C12orf54: variants seen among roughly 807,000 people sequenced by gnomAD.
The protein encoded by C12orf54 is uncharacterized protein C12orf54.
Under a neutral mutation model 26.4 loss-of-function variants are expected in C12orf54, and 24 were observed. The observed-to-expected ratio is 0.91, with a 90% confidence interval of 0.66 to 1.28. The LOEUF is 1.28. Ranked by LOEUF, C12orf54 falls within the 50% of genes most tolerant of loss-of-function variation. The pLI, the probability that C12orf54 is intolerant of heterozygous loss-of-function variation, is 0.00. For missense variants in C12orf54, 154 were observed against 150.9 expected (o/e 1.02, Z -0.11); for synonymous variants, 54 against 47.0 (o/e 1.15, Z -0.61).
the C12orf54 span, among the ~76,000 whole-genome samples, chr12:48,459,492 G>T: frequency 1.3e-5 from 2 of 152,140 alleles, no homozygotes; most frequent in African/African-American, 4.8e-5. Flanking sequence ...GGTTATCTGG[G>T]TGGAGATGAT....
the C12orf54 span, among the ~76,000 whole-genome samples, chr12:48,463,311 C>G: frequency 1.3e-5 from 2 of 151,890 alleles, no homozygotes; most frequent in Non-Finnish European, 2.9e-5. Context: ...TGCACATAAA[C>G]TAGAAAATCT....
the C12orf54 span, among the ~76,000 whole-genome samples, chr12:48,461,655 A>G: frequency 6.6e-6 from 1 of 152,032 alleles, no homozygotes; most frequent in South Asian, 2.1e-4. Flanking sequence ...AAGAAATCAA[A>G]AAGGAAAATT....
At chr12:48,438,987 A>C in the C12orf54 span, among the ~76,000 whole-genome samples, 16 of 152,204 alleles carry the variant, frequency 1.1e-4, no homozygotes, top group African/African-American at 1.7e-4. Context: ...AATGGGAGAA[A>C]ATTTTTGCAA....
intron 8 of C12orf54, among the ~76,000 whole-genome samples, chr12:48,495,204 G>C (rs1029933511): frequency 1.3e-5 from 2 of 152,156 alleles, no homozygotes; most frequent in Non-Finnish European, 2.9e-5. Flanking sequence ...AGTGCATCAA[G>C]TATGGACAGT....
At chr12:48,424,667 CATA>C in the C12orf54 span, among the ~76,000 whole-genome samples, 1 of 152,098 alleles carries the variant, frequency 6.6e-6, no homozygotes, top group African/African-American at 2.4e-5. Context: ...GAGTTAAACA[CATA>C]CTTACCATGT....
chr12:48,493,379 T>C (rs966548070), intron 7 of C12orf54, among the ~76,000 whole-genome samples: 4 of 152,146 alleles, frequency 2.6e-5, no homozygotes, highest in Non-Finnish European at 5.9e-5. Flanking sequence ...TTCACGCGTA[T>C]AATCCCAGTA....
At chr12:48,444,542 T>C in the C12orf54 span, among the ~76,000 whole-genome samples, 1 of 152,242 alleles carries the variant, frequency 6.6e-6, no homozygotes, top group Admixed American at 6.5e-5. Flanking sequence ...AATTCTAGCC[T>C]GTCAGGGCCT....
upstream of C12orf54, among the ~76,000 whole-genome samples, chr12:48,478,093 A>G (rs887311931): frequency 6.6e-6 from 1 of 152,240 alleles, no homozygotes; most frequent in African/African-American, 2.4e-5. Flanking sequence ...CTGGTTCAAC[A>G]TACACAAATC....
intron 6 of C12orf54, 108 bp downstream of exon 6, chr12:48,490,944 T>A: frequency 1.5e-6 from 2 of 1,354,710 alleles, no homozygotes; most frequent in Non-Finnish European, 1.0e-6. Context: ...AGATAAGAAG[T>A]GAGATATGGA....
the C12orf54 span, among the ~76,000 whole-genome samples, chr12:48,413,624 T>C: frequency 1.3e-5 from 2 of 152,366 alleles, no homozygotes; most frequent in Admixed American, 6.5e-5. Flanking sequence ...CACACCCTAG[T>C]TGCAGACTTT....
chr12:48,450,316 C>T, the C12orf54 span, among the ~76,000 whole-genome samples: 3 of 152,176 alleles, frequency 2.0e-5, no homozygotes, highest in African/African-American at 4.8e-5. Context: ...ACCAGAATCT[C>T]TGGGATGCAG....
At chr12:48,469,417 C>G in the C12orf54 span, among the ~76,000 whole-genome samples, 2 of 152,182 alleles carry the variant, frequency 1.3e-5, no homozygotes, top group Admixed American at 1.3e-4. Flanking sequence ...CTCGGTTCTT[C>G]CCGGCCCCGC....
the C12orf54 span, among the ~76,000 whole-genome samples, chr12:48,446,150 G>C: frequency 6.6e-6 from 1 of 152,182 alleles, no homozygotes; most frequent in African/African-American, 2.4e-5. Context: ...CTGAACTTGG[G>C]AGAAATTCAC....
At chr12:48,493,646 A>T (rs1250801280) in intron 7 of C12orf54, among the ~76,000 whole-genome samples, 1 of 141,804 alleles carries the variant, frequency 7.1e-6, no homozygotes, top group Non-Finnish European at 1.5e-5. Flanking sequence ...AAAAAAAAAA[A>T]GGGATCCGGG....
the C12orf54 span, among the ~76,000 whole-genome samples, chr12:48,447,054 G>T: frequency 6.6e-6 from 1 of 152,026 alleles, no homozygotes; most frequent in African/African-American, 2.4e-5. Flanking sequence ...ATTCTTAAAG[G>T]ATTTACTACT....
the C12orf54 span, chr12:48,442,636 G>T: frequency 6.0e-6 from 1 of 167,530 alleles, no homozygotes; most frequent in South Asian, 1.5e-4. Context: ...TGCCCCCAGT[G>T]GCAAACACAA....
the C12orf54 span, among the ~76,000 whole-genome samples, chr12:48,448,191 G>C: frequency 2.0e-3 from 308 of 152,234 alleles, 3 homozygotes; most frequent in African/African-American, 6.9e-3. Flanking sequence ...CTCGGTACCT[G>C]GACTCCTGAA....
Position 48,488,094 on chromosome 12 carries a change from T to C in C12orf54, c.136-830T>C, listed in dbSNP as rs373876429. Reference sequence around the variant, plus strand: ...CCTTCACATCATGAAGGCCATGCAGTCTCTCAAGTCCCAAGGCTGCATGAA... The same window carrying C: ...CCTTCACATCATGAAGGCCATGCAGCCTCTCAAGTCCCAAGGCTGCATGAA... On this transcript the variant is annotated intron_variant, in intron 4 of 8. Coordinates refer to ENST00000548364, the MANE Select transcript of C12orf54 (RefSeq NM_152319.4). 9.5e-5 allele frequency: 83 copies of C among 870,380 alleles called. No homozygotes were observed. In the African/African-American group the frequency reaches 1.2e-3, roughly 12 times the overall value. 53.9% of individuals were successfully genotyped at this position (870,380 alleles called of 1,614,324 possible). A position where few individuals can be genotyped will look rare whatever the true frequency, so the allele number is the denominator to read the frequency against.
the C12orf54 span, among the ~76,000 whole-genome samples, chr12:48,459,483 G>C: frequency 6.6e-6 from 1 of 152,128 alleles, no homozygotes; most frequent in Admixed American, 6.6e-5. Context: ...CCTCAGCCTG[G>C]TTATCTGGGT....
Sources: gnomAD v4.1 joint callset for allele counts (sites outside exome capture counted in the v4.1 genomes callset) on GRCh38, gnomAD v4.1.1 for gene constraint, MANE v1.5 for transcripts, NCBI Gene and HGNC (gene_info 2026-07-23, HGNC 2026-07-21) for gene names.